KMT2A: variants seen among roughly 807,000 people sequenced by gnomAD.
The protein encoded by KMT2A is histone-lysine N-methyltransferase 2A.
In KMT2A, 16 loss-of-function variants were observed where a neutral mutation model predicts 345.3. That is an observed-to-expected ratio of 0.05 (90% CI 0.03 to 0.07). The LOEUF is 0.07. KMT2A is among the 10% of genes least tolerant of loss of function. The pLI, the probability that KMT2A is intolerant of heterozygous loss-of-function variation, is 1.00. For synonymous variants in KMT2A, 1,599 were observed against 1,778.6 expected (o/e 0.90, Z 2.54); for missense variants, 3,272 against 4,841.6 (o/e 0.68, Z 9.62).
At chr11:118,456,399 C>T (rs1045229096) in intron 1 of KMT2A, among the ~76,000 whole-genome samples, 26 of 151,514 alleles carry the variant, frequency 1.7e-4, no homozygotes, top group Non-Finnish European at 4.4e-5. Context: ...AGTGCAATGG[C>T]GTGACCTTGG....
chr11:118,461,538 G>A (rs1347515950), intron 1 of KMT2A, among the ~76,000 whole-genome samples: 1 of 152,194 alleles, frequency 6.6e-6, no homozygotes, highest in Non-Finnish European at 1.5e-5. Flanking sequence ...GGACATCAGT[G>A]TCAGCAAGGT....
rs1389413038 is a variant in KMT2A at position 118,436,661 on chromosome 11, G to A, written c.149G>A (p.Gly50Asp). The change falls in exon 1 of 36, where the codon GGC (glycine) becomes GAC (aspartate). Residue 50 changes from glycine (G) to aspartate (D), a missense_variant. By Grantham distance (94) the Gly-to-Asp change is moderately conservative. Coordinates refer to ENST00000534358, the MANE Select transcript of KMT2A (RefSeq NM_001197104.2). This position sits in a 1 kb window ranked among gnomAD's most constrained non-coding sequence, Gnocchi z 6.9. ...CCCGGGCCCCCGGTCGGCGGTGGCG[G>A]CCCCGGGGCGCCCCCCTCCCCCCCG... ...LPPGPPVGGG[G>D]PGAPPSPPAV... 8.4e-6 allele frequency: 10 copies of A among 1,196,800 alleles called. No individual in the cohort carries two copies. Among genetic ancestry groups the A allele is most frequent in the Admixed American group, 4.5e-5 (1 of 22,096 alleles). The allele number at this position is 1,196,800 out of a possible 1,614,324, so 74.1% of individuals were successfully genotyped here.
At chr11:118,453,961 A>G (rs1227030972) in intron 1 of KMT2A, among the ~76,000 whole-genome samples, 1 of 152,168 alleles carries the variant, frequency 6.6e-6, no homozygotes, top group Admixed American at 6.6e-5. Flanking sequence ...CCTAACATGT[A>G]AGATTTATCG....
intron 1 of KMT2A, among the ~76,000 whole-genome samples, chr11:118,439,739 C>T (rs1397819396): frequency 6.6e-6 from 1 of 152,152 alleles, no homozygotes; most frequent in African/African-American, 2.4e-5. Flanking sequence ...GTTGCTGCTT[C>T]ATTATGAGAA....
At chr11:118,481,638 A>G (rs1950133930) in intron 6 of KMT2A, 77 bp from the exon 7 acceptor site, 1 of 1,466,870 alleles carries the variant, frequency 6.8e-7, no homozygotes, top group Non-Finnish European at 9.1e-7. Flanking sequence ...GCTGGATCAT[A>G]TGGTGGCTCT....
Position 118,512,001 on chromosome 11 carries a change from C to G in KMT2A, c.11122C>G (p.Arg3708Gly). ...DKVQEARSNARLKQLSFAGVN... is the reference protein window; with the variant it reads ...DKVQEARSNAGLKQLSFAGVN... ...AGTCCAGGAAGCTCGATCAAATGCC[C>G]GCCTAAAGCAGCTCTCATTTGCAGG... Residue 3708 changes from arginine (R) to glycine (G), a missense_variant, in exon 31 of 36, where the codon CGC (arginine) becomes GGC (glycine). By Grantham distance (125) the Arg-to-Gly change is moderately radical. Coordinates refer to ENST00000534358, the MANE Select transcript of KMT2A (RefSeq NM_001197104.2). The G allele has an allele frequency of 1.2e-6, 2 of 1,613,980 alleles. No homozygotes were observed. Among genetic ancestry groups the G allele is most frequent in the Non-Finnish European group, 1.7e-6 (2 of 1,179,944 alleles).
chr11:118,469,773 T>A (rs1949911306), intron 2 of KMT2A, among the ~76,000 whole-genome samples: 1 of 152,268 alleles, frequency 6.6e-6, no homozygotes, highest in Admixed American at 6.5e-5. Flanking sequence ...TAGCTTGTGA[T>A]GTGTGCTAGC....
intron 1 of KMT2A, among the ~76,000 whole-genome samples, chr11:118,465,130 A>G (rs868939340): frequency 6.6e-6 from 1 of 152,178 alleles, no homozygotes; most frequent in Non-Finnish European, 1.5e-5. Flanking sequence ...GAGGCGGAGC[A>G]TCTAGGCTGA....
chr11:118,485,738 A>T (rs1950216039), intron 10 of KMT2A, among the ~76,000 whole-genome samples: 1 of 152,216 alleles, frequency 6.6e-6, no homozygotes, highest in Non-Finnish European at 1.5e-5. Flanking sequence ...AATAATAAAA[A>T]ACTGGAAACA....
rs372755187 is a variant in KMT2A, at chr11:118,503,113, A to T, written c.7221A>T (p.Leu2407=). The T allele has an allele frequency of 6.2e-7, 1 of 1,613,420 alleles. No homozygotes were observed. The highest frequency in any genetic ancestry group is 8.5e-7 in the Non-Finnish European group (1 of 1,180,024). Residue 2407 remains leucine (L), a synonymous_variant, in exon 27 of 36, where the codon CTA becomes CTT. Coordinates refer to ENST00000534358, the MANE Select transcript of KMT2A (RefSeq NM_001197104.2). The surrounding 1 kb of genome is among the most constrained non-coding windows in gnomAD (Gnocchi z 5.3). ...ATACTGAAGTCAAAACCTTGAAGCTATCTGGAATGAGCAACAGATCATCCA... is the reference window on the plus strand; with the variant it reads ...ATACTGAAGTCAAAACCTTGAAGCTTTCTGGAATGAGCAACAGATCATCCA... ...DEDTEVKTLK[L]SGMSNRSSII...
rs78112480 is a variant in KMT2A, at chr11:118,453,729, T to C, written c.433-15046T>C. ...GTGGGCCAGGCTATATTCTGAGCACTTCACATGAATTATCTCACCTAACCT... is the reference window on the plus strand; with the variant it reads ...GTGGGCCAGGCTATATTCTGAGCACCTCACATGAATTATCTCACCTAACCT... On this transcript the variant is annotated intron_variant, in intron 1 of 35. Coordinates refer to ENST00000534358, the MANE Select transcript of KMT2A (RefSeq NM_001197104.2). 4.1e-3 allele frequency among the ~76,000 whole-genome samples: 621 copies of C among 152,356 alleles called. 2 individuals are homozygous for C. Among genetic ancestry groups the C allele is most frequent in the African/African-American group, 0.014 (592 of 41,584 alleles).
At position 118,504,309 on chromosome 11, in the gene KMT2A, C is replaced by T; in HGVS notation, c.8417C>T (p.Ser2806Leu). ...GQDSLEAQLS[S>L]LESSRRVHTS... Reference sequence around the variant, plus strand: ...GATTCCTTGGAAGCTCAGCTCAGCTCATTGGAGTCAAGCCGCAGAGTCCAC... The same window carrying T: ...GATTCCTTGGAAGCTCAGCTCAGCTTATTGGAGTCAAGCCGCAGAGTCCAC... The change falls in exon 27 of 36, where the codon TCA (serine) becomes TTA (leucine). Residue 2806 changes from serine to leucine, a missense_variant. Physicochemically the swap from Ser to Leu is moderately radical, Grantham distance 145 (BLOSUM62 -2). Around this residue, in one of 27 missense-constraint regions of KMT2A, gnomAD observed 100 missense variants for 101.3 expected, o/e 0.99. Coordinates refer to ENST00000534358, the MANE Select transcript of KMT2A (RefSeq NM_001197104.2). The surrounding 1 kb of genome is among the most constrained non-coding windows in gnomAD (Gnocchi z 6.4). 1.2e-6 allele frequency: 2 copies of T among 1,614,156 alleles called. No individual in the cohort carries two copies. The highest frequency in any genetic ancestry group is 1.7e-6 in the Non-Finnish European group (2 of 1,180,034).
At chr11:118,519,210 G>A (rs1950901926) in intron 31 of KMT2A, among the ~76,000 whole-genome samples, 1 of 151,310 alleles carries the variant, frequency 6.6e-6, no homozygotes, top group Non-Finnish European at 1.5e-5. Context: ...TTCATATCTT[G>A]TCAAATCATG....
In KMT2A at chr11:118,496,155, G is replaced by A. The variant is rs1950405712; in HGVS notation, c.5558-106G>A. The A allele has an allele frequency of 2.3e-6, 2 of 866,484 alleles. No homozygotes were observed. The highest frequency in any genetic ancestry group is 3.0e-5 in the South Asian group (2 of 67,440). The allele number at this position is 866,484 out of a possible 1,614,324, so 53.7% of individuals were successfully genotyped here. ...TTGAAAAGTGGTTATTTTATAGGCT[G>A]TGGGCTATGTAAGCTGAATTATTTC... On this transcript the variant is annotated intron_variant, in intron 19 of 35. Coordinates refer to ENST00000534358, the MANE Select transcript of KMT2A (RefSeq NM_001197104.2). The surrounding 1 kb of genome is among the most constrained non-coding windows in gnomAD (Gnocchi z 4.7).
rs782074242 is a variant in KMT2A, at chr11:118,506,578, T to A, written c.10686T>A (p.His3562Gln). Residue 3562 changes from histidine (H) to glutamine (Q), a missense_variant, in exon 27 of 36, where the codon CAT becomes CAA. Physicochemically the swap from His to Gln is conservative, Grantham distance 24 (BLOSUM62 0). Coordinates refer to ENST00000534358, the MANE Select transcript of KMT2A (RefSeq NM_001197104.2). ...ATGGCAAGAAGCACAAAGTTTCCCA[T>A]TTGCGGACCAGTTCTTCTGAAGCAC... ...KGNGKKHKVS[H>Q]LRTSSSEAHI... The A allele has an allele frequency of 2.5e-6, 4 of 1,613,934 alleles. No homozygotes were observed. The highest frequency in any genetic ancestry group is 3.4e-6 in the Non-Finnish European group (4 of 1,179,978).
chr11:118,461,665 T>C (rs1047771963), intron 1 of KMT2A, among the ~76,000 whole-genome samples: 6 of 152,194 alleles, frequency 3.9e-5, no homozygotes, highest in South Asian at 2.1e-4. Context: ...TCCCTAGTCA[T>C]GTATAGCATG....
chr11:118,461,314 A>G (rs1332836286), intron 1 of KMT2A, among the ~76,000 whole-genome samples: 5 of 152,360 alleles, frequency 3.3e-5, no homozygotes, highest in African/African-American at 1.2e-4. Flanking sequence ...TGGTTACCCC[A>G]GAGTGGAGAT....
Position 118,524,909 on chromosome 11 carries a change from A to G in KMT2A, c.*2737A>G, listed in dbSNP as rs79648960. 974 of 197,058 alleles carry G rather than the reference A, an allele frequency of 4.9e-3. 10 individuals carry two copies. The highest frequency in any genetic ancestry group is 0.021 in the African/African-American group (909 of 43,340). The allele number at this position is 197,058 out of a possible 1,614,324, so 12.2% of individuals were successfully genotyped here. A position where few individuals can be genotyped will look rare whatever the true frequency, so the allele number is the denominator to read the frequency against. On this transcript the variant is annotated 3_prime_UTR_variant, in exon 36 of 36. Coordinates refer to ENST00000534358, the MANE Select transcript of KMT2A (RefSeq NM_001197104.2). Reference sequence around the variant, plus strand: ...TCTACCAACCCTAAACCCTGAGGACAGGGGAGGAACCCACAGCTTCCTTCT... The same window carrying G: ...TCTACCAACCCTAAACCCTGAGGACGGGGGAGGAACCCACAGCTTCCTTCT...
rs9332796 is a variant in KMT2A at position 118,484,035 on chromosome 11, T to A, written c.4087-148T>A. ...CAACAAAGCAAGACCCAGTCTCTTT[T>A]AAAAAAAAATTCAAAGATTATTTGT... On this transcript the variant is annotated intron_variant, in intron 8 of 35. Coordinates refer to ENST00000534358, the MANE Select transcript of KMT2A (RefSeq NM_001197104.2). This position sits in a 1 kb window ranked among gnomAD's most constrained non-coding sequence, Gnocchi z 4.1. 0.054 allele frequency: 43,962 copies of A among 811,772 alleles called. 1,220 individuals carry two copies. The highest frequency in any genetic ancestry group is 0.073 in the South Asian group (3,930 of 53,776). 50.3% of individuals were successfully genotyped at this position (811,772 alleles called of 1,614,324 possible).
Sources: allele counts gnomAD v4.1 joint callset (sites outside exome capture counted in the v4.1 genomes callset), GRCh38; gene constraint gnomAD v4.1.1; regional missense constraint gnomAD v4.1.1; non-coding constraint Gnocchi (gnomAD v3.1); transcripts MANE v1.5; gene names NCBI Gene and HGNC (gene_info 2026-07-23, HGNC 2026-07-21).